The following SGCD variants were observed in gnomAD, a reference collection of about 807,000 sequenced individuals.
SGCD encodes delta-sarcoglycan.
A neutral mutation model predicts 36.6 loss-of-function variants in SGCD; 18 were observed. The ratio of observed to expected loss-of-function variants is 0.49; its 90% CI spans 0.34 to 0.73. SGCD has a LOEUF of 0.73. Ranked by LOEUF, SGCD falls within the 30% of genes least tolerant of loss-of-function variation. The probability of loss-of-function intolerance (pLI) is 0.01; values close to 1 mark genes in which losing one functional copy is unlikely to be tolerated. For missense variants in SGCD, 387 were observed against 346.7 expected (o/e 1.12, Z -0.92); for synonymous variants, 133 against 130.6 (o/e 1.02, Z -0.12).
intron 1 of SGCD, among the ~76,000 whole-genome samples, chr5:156,021,990 T>C (rs926963066): frequency 2.6e-5 from 4 of 152,208 alleles, no homozygotes; most frequent in Non-Finnish European, 4.4e-5. Context: ...AATATTTTCA[T>C]CACCCCCAAA....
At chr5:155,780,065 T>A in the SGCD span, among the ~76,000 whole-genome samples, 1 of 152,158 alleles carries the variant, frequency 6.6e-6, no homozygotes, top group Non-Finnish European at 1.5e-5. Context: ...GACACTAGAA[T>A]AAACCTAGAA....
chr5:156,342,156 C>T (rs562627485), intron 2 of SGCD, among the ~76,000 whole-genome samples: 10 of 152,214 alleles, frequency 6.6e-5, no homozygotes, highest in Non-Finnish European at 1.3e-4. Context: ...CTACCTATAC[C>T]TCCATCCTCT....
the SGCD span, among the ~76,000 whole-genome samples, chr5:155,732,966 G>T: frequency 3.7e-4 from 55 of 150,248 alleles, no homozygotes; most frequent in African/African-American, 1.3e-3. Flanking sequence ...AGGCAACTTT[G>T]CAAGCTCTTT....
chr5:155,762,866 T>A, the SGCD span, among the ~76,000 whole-genome samples: 1 of 152,116 alleles, frequency 6.6e-6, no homozygotes, highest in African/African-American at 2.4e-5. Context: ...AATAGAAACA[T>A]GTATTAGGAA....
intron 7 of SGCD, among the ~76,000 whole-genome samples, chr5:156,661,750 A>G (rs1581354252): frequency 6.6e-6 from 1 of 151,510 alleles, no homozygotes; most frequent in African/African-American, 2.4e-5. Context: ...CCAATCTGCC[A>G]TGCACCAGAA....
chr5:156,577,791 G>C (rs558937789), intron 4 of SGCD, among the ~76,000 whole-genome samples: 7 of 152,314 alleles, frequency 4.6e-5, no homozygotes, highest in African/African-American at 1.7e-4. Flanking sequence ...TGCTGAAGTT[G>C]CTTATCAGCT....
chr5:156,241,045 C>T (rs935210095), intron 3 of SGCD, among the ~76,000 whole-genome samples: 1 of 152,232 alleles, frequency 6.6e-6, no homozygotes, highest in Non-Finnish European at 1.5e-5. Context: ...CAAAGCTGTT[C>T]CACTGTGAGA....
chr5:156,728,560 G>A (rs11738953), intron 7 of SGCD, among the ~76,000 whole-genome samples: 2 of 120,856 alleles, frequency 1.7e-5, no homozygotes, highest in African/African-American at 6.1e-5. Flanking sequence ...CACATGCTTA[G>A]AACTGATAGA....
At chr5:155,797,397 T>C in the SGCD span, among the ~76,000 whole-genome samples, 1 of 152,236 alleles carries the variant, frequency 6.6e-6, no homozygotes, top group African/African-American at 2.4e-5. Context: ...CTAGGTATTA[T>C]CCTGAATTAT....
rs114672170 is a variant in SGCD at position 156,732,793 on chromosome 5, G to A, written c.576-24788G>A. Among the ~76,000 whole-genome samples the A allele has an allele frequency of 9.0e-3, 1,366 of 152,132 alleles. 7 individuals carry two copies. Among genetic ancestry groups the A allele is most frequent in the Non-Finnish European group, 0.012 (783 of 67,932 alleles). On this transcript the variant is annotated intron_variant, in intron 7 of 8. Coordinates refer to ENST00000337851, the MANE Select transcript of SGCD (RefSeq NM_000337.6). ...AACTCGTTATTGGTCTATTCAGGGA[G>A]TCAGTGTCTTCCTGGTTCTGTCTAG...
At chr5:156,148,356 C>A (rs528816003) in intron 3 of SGCD, among the ~76,000 whole-genome samples, 8 of 152,032 alleles carry the variant, frequency 5.3e-5, no homozygotes, top group Non-Finnish European at 1.0e-4. Context: ...GCCTGTCCAG[C>A]CTCATGAGTC....
At chr5:156,283,425 C>T (rs971724269) in intron 3 of SGCD, among the ~76,000 whole-genome samples, 7 of 152,166 alleles carry the variant, frequency 4.6e-5, no homozygotes, top group African/African-American at 1.7e-4. Flanking sequence ...TTTCTTTACA[C>T]TTACTTATTC....
At chr5:156,647,390 A>G (rs902074611) in intron 6 of SGCD, 74 bp from the exon 7 acceptor site, 20 of 979,706 alleles carry the variant, frequency 2.0e-5, no homozygotes, top group Middle Eastern at 4.2e-4. Flanking sequence ...TTTAGCTCCA[A>G]TCAGTGTGCT....
At chr5:156,687,319 T>C (rs1056669983) in intron 7 of SGCD, among the ~76,000 whole-genome samples, 1 of 152,168 alleles carries the variant, frequency 6.6e-6, no homozygotes, top group African/African-American at 2.4e-5. Flanking sequence ...GGTCTAAAAA[T>C]CAGCAGAATT....
chr5:156,692,230 T>A (rs1395278301), intron 7 of SGCD, among the ~76,000 whole-genome samples: 1 of 152,216 alleles, frequency 6.6e-6, no homozygotes, highest in African/African-American at 2.4e-5. Context: ...TATAAGACAA[T>A]GAGAATGAAG....
At chr5:156,552,070 G>C (rs1045063518) in intron 4 of SGCD, among the ~76,000 whole-genome samples, 1 of 152,176 alleles carries the variant, frequency 6.6e-6, no homozygotes, top group African/African-American at 2.4e-5. Context: ...TTTGTCCATA[G>C]CATGGACATC....
At chr5:155,882,964 A>AGTGACTTCCTT (rs1755921798) in intron 1 of SGCD, among the ~76,000 whole-genome samples, 1 of 152,228 alleles carries the variant, frequency 6.6e-6, no homozygotes, top group South Asian at 2.1e-4. Flanking sequence ...TACACTGTTT[A>AGTGACTTCCTT]GTGACTTCCT....
rs982928930 is a variant in SGCD at position 156,388,361 on chromosome 5, G to A, written c.192+43684G>A. Among the ~76,000 whole-genome samples, 4 of 152,152 alleles carry A rather than the reference G, an allele frequency of 2.6e-5. No homozygotes were observed. In the East Asian group the frequency reaches 7.7e-4, roughly 29 times the overall value. ...ACAATAGATGGATTAAACACAGAAG[G>A]CAGAGTCATTCAACGACCAGATGCC... On this transcript the variant is annotated intron_variant, in intron 3 of 8. Transcript: ENST00000337851.
the SGCD span, among the ~76,000 whole-genome samples, chr5:155,765,650 G>A: frequency 5.1e-4 from 78 of 152,272 alleles, no homozygotes; most frequent in African/African-American, 1.8e-3. Flanking sequence ...ACCATATGCA[G>A]TATTTCAAAG....
Sources: allele counts gnomAD v4.1 joint callset (sites outside exome capture counted in the v4.1 genomes callset), GRCh38; gene constraint gnomAD v4.1.1; transcripts MANE v1.5; gene names NCBI Gene and HGNC (gene_info 2026-07-23, HGNC 2026-07-21).